The following CDC27 variants were observed in gnomAD, a reference collection of about 807,000 sequenced individuals.
CDC27 encodes cell division cycle protein 27 homolog.
Under a neutral mutation model 109.7 loss-of-function variants are expected in CDC27, and 27 were observed. That is an observed-to-expected ratio of 0.25 (90% CI 0.18 to 0.34). The LOEUF is 0.34. Ranked by LOEUF, CDC27 falls within the 10% of genes least tolerant of loss-of-function variation. CDC27 has a pLI of 1.00. For missense variants in CDC27, 579 were observed against 960.2 expected (o/e 0.60, Z 5.25); for synonymous variants, 266 against 333.9 (o/e 0.80, Z 2.22).
chr17:47,175,039 GAGGA>G (rs71138592), intron 2 of CDC27, among the ~76,000 whole-genome samples: 11,695 of 129,824 alleles, frequency 0.09, 603 homozygotes, highest in Middle Eastern at 0.16. Context: ...AAGAGAGAGA[GAGGA>G]AGGAAGGAAG....
intron 18 of CDC27, among the ~76,000 whole-genome samples, chr17:47,121,685 A>T (rs2061986092): frequency 6.6e-6 from 1 of 151,732 alleles, no homozygotes; most frequent in Non-Finnish European, 1.5e-5. Context: ...CTCCCACCTC[A>T]GCCTCCTGAG....
intron 2 of CDC27, among the ~76,000 whole-genome samples, chr17:47,177,171 T>C (rs912986951): frequency 1.3e-5 from 2 of 152,176 alleles, no homozygotes; most frequent in Admixed American, 6.5e-5. Flanking sequence ...CAGCAGCACA[T>C]GCCTGTATTC....
chr17:47,133,441 T>G (rs2062457948), intron 14 of CDC27, among the ~76,000 whole-genome samples: 1 of 135,738 alleles, frequency 7.4e-6, no homozygotes, highest in Non-Finnish European at 1.6e-5. Context: ...CCAAGCTGTT[T>G]TTTTGTTTTT....
At chr17:47,147,670 G>A (rs1037266816) in intron 9 of CDC27, among the ~76,000 whole-genome samples, 3 of 152,074 alleles carry the variant, frequency 2.0e-5, no homozygotes, top group Non-Finnish European at 2.9e-5. Flanking sequence ...CGGAGGTCAA[G>A]ATCTGCCTGG....
At chr17:47,162,753 A>G (rs1262542211) in intron 4 of CDC27, among the ~76,000 whole-genome samples, 1 of 152,174 alleles carries the variant, frequency 6.6e-6, no homozygotes, top group African/African-American at 2.4e-5. Context: ...TATTAGGAAA[A>G]GAAAAAATCA....
chr17:47,162,940 T>C (rs2063538969), intron 4 of CDC27, among the ~76,000 whole-genome samples: 1 of 152,166 alleles, frequency 6.6e-6, no homozygotes, highest in Non-Finnish European at 1.5e-5. Context: ...AGGTGTGGAA[T>C]TATAATAATC....
At chr17:47,166,557 CTA>C (rs940812693) in intron 4 of CDC27, among the ~76,000 whole-genome samples, 27 of 152,126 alleles carry the variant, frequency 1.8e-4, no homozygotes, top group African/African-American at 6.5e-4. Flanking sequence ...GCTTTGGTTT[CTA>C]TGATTTTCTC....
At chr17:47,146,739 A>T (rs1748741155) in intron 9 of CDC27, among the ~76,000 whole-genome samples, 1 of 152,168 alleles carries the variant, frequency 6.6e-6, no homozygotes, top group African/African-American at 2.4e-5. Context: ...TAAAATACCT[A>T]AAGGAATGCA....
At chr17:47,165,814 A>T (rs1157845103) in intron 4 of CDC27, among the ~76,000 whole-genome samples, 2 of 152,196 alleles carry the variant, frequency 1.3e-5, no homozygotes, top group Non-Finnish European at 2.9e-5. Flanking sequence ...CATTTGAGTT[A>T]AATTTTTAAT....
intron 14 of CDC27, among the ~76,000 whole-genome samples, chr17:47,134,785 C>G (rs112775935): frequency 1.6e-5 from 2 of 125,010 alleles, no homozygotes. Context: ...TAATTGTTTT[C>G]TTTTTTTTTT....
At chr17:47,174,848 C>T (rs987602202) in intron 2 of CDC27, among the ~76,000 whole-genome samples, 1 of 151,866 alleles carries the variant, frequency 6.6e-6, no homozygotes, top group Non-Finnish European at 1.5e-5. Context: ...CCCAGCTACT[C>T]GGGAGGCTGA....
At chr17:47,143,840 C>T (rs768537699) in intron 10 of CDC27, 43 bp downstream of exon 10, 7 of 900,942 alleles carry the variant, frequency 7.8e-6, no homozygotes, top group South Asian at 5.4e-5. Context: ...TGTTAGCAGG[C>T]GAAGCATTAA....
At chr17:47,155,244 A>G (rs1251165258) in intron 7 of CDC27, among the ~76,000 whole-genome samples, 3 of 152,098 alleles carry the variant, frequency 2.0e-5, no homozygotes, top group Non-Finnish European at 2.9e-5. Context: ...TTCTTCTAGC[A>G]TATATGTATA....
chr17:47,124,411 G>A (rs973772825), intron 16 of CDC27, among the ~76,000 whole-genome samples: 10 of 152,046 alleles, frequency 6.6e-5, no homozygotes, highest in African/African-American at 1.9e-4. Context: ...AGCCTCCCGC[G>A]TAACTGGGAT....
chr17:47,177,696 G>C (rs982407524), intron 2 of CDC27, among the ~76,000 whole-genome samples: 1 of 152,174 alleles, frequency 6.6e-6, no homozygotes, highest in African/African-American at 2.4e-5. Flanking sequence ...AATACATGTT[G>C]ACACAAGGTT....
intron 4 of CDC27, among the ~76,000 whole-genome samples, 192 bp from the exon 5 acceptor site, chr17:47,158,495 G>GA (rs1296382352): frequency 3.9e-5 from 6 of 152,040 alleles, no homozygotes; most frequent in Non-Finnish European, 8.8e-5. Context: ...TGAATCAAAA[G>GA]AAATGCTTAC....
At chr17:47,179,598 A>G (rs954345) in intron 2 of CDC27, among the ~76,000 whole-genome samples, 12,558 of 152,290 alleles carry the variant, frequency 0.082, 597 homozygotes, top group African/African-American at 0.12. Flanking sequence ...TACCTAGTAT[A>G]CAGTAAGAAA....
At chr17:47,124,045 C>T (rs2062055530) in intron 16 of CDC27, 85 bp from the exon 17 acceptor site, 1 of 786,392 alleles carries the variant, frequency 1.3e-6, no homozygotes, top group African/African-American at 1.7e-5. Flanking sequence ...TTTCCCAAAT[C>T]ATCTTCACAA....
chr17:47,129,358 T>C (rs1214860193), intron 16 of CDC27, 35 bp downstream of exon 16: 2 of 1,499,234 alleles, frequency 1.3e-6, no homozygotes, highest in Non-Finnish European at 1.8e-6. Context: ...TTTTAAGCAA[T>C]ACAACACTGA....
Sources: gnomAD v4.1 joint callset for allele counts (sites outside exome capture counted in the v4.1 genomes callset) on GRCh38, gnomAD v4.1.1 for gene constraint, MANE v1.5 for transcripts, NCBI Gene and HGNC (gene_info 2026-07-23, HGNC 2026-07-21) for gene names.